SEC14L1: variants seen among roughly 807,000 people sequenced by gnomAD.
The protein encoded by SEC14L1 is SEC14-like protein 1.
A neutral mutation model predicts 85.3 loss-of-function variants in SEC14L1; 48 were observed. That is an observed-to-expected ratio of 0.56 (90% CI 0.45 to 0.72). The LOEUF is 0.72. Among genes scored for constraint, SEC14L1 ranks in the 30% least tolerant of loss-of-function variants. The probability of loss-of-function intolerance (pLI) is 0.00; values close to 1 mark genes in which losing one functional copy is unlikely to be tolerated. For missense variants in SEC14L1, 682 were observed against 921.4 expected (o/e 0.74, Z 3.36); for synonymous variants, 391 against 355.5 (o/e 1.10, Z -1.12).
intron 3 of SEC14L1, among the ~76,000 whole-genome samples, chr17:77,105,230 C>T (rs1479688977): frequency 6.6e-6 from 1 of 152,038 alleles, no homozygotes; most frequent in African/African-American, 2.4e-5. Flanking sequence ...AGATATTTTC[C>T]TTTCACGCCT....
chr17:77,089,163 A>G, exon 2 of SEC14L1: 2 of 346,018 alleles, frequency 5.8e-6, no homozygotes, highest in Non-Finnish European at 1.1e-5. Flanking sequence ...GTTTCAACAG[A>G]AAATGAGAAA....
chr17:77,186,729 T>C (rs17612441), intron 3 of SEC14L1, among the ~76,000 whole-genome samples: 10,223 of 152,250 alleles, frequency 0.067, 548 homozygotes, highest in Admixed American at 0.16. Flanking sequence ...GATGGCAGTA[T>C]TTGTGATCTG....
Position 77,191,757 on chromosome 17 carries a change from G to A in SEC14L1, c.345+445G>A, listed in dbSNP as rs546771455. On this transcript the variant is annotated intron_variant, in intron 5 of 16. Coordinates refer to ENST00000436233, the MANE Select transcript of SEC14L1 (RefSeq NM_001143998.2). ...GGGGTTTCACCGTGTTGGCCTGGCT[G>A]GTCTGGAACTCCTGACCTCACGTGA... 2.0e-5 allele frequency among the ~76,000 whole-genome samples: 3 copies of A among 151,410 alleles called. No homozygotes were observed. In the South Asian group the frequency reaches 6.3e-4, roughly 32 times the overall value.
Position 77,150,678 on chromosome 17 carries a change from T to A in SEC14L1, c.63+7019T>A, listed in dbSNP as rs190697622. ...GGGAGAACACTTTCTGACGGGCAGC[T>A]GTGCCCATGTTGGGCAGCTGTGCCC... is the stretch of plus-strand genomic sequence containing the variant. On this transcript the variant is annotated intron_variant, in intron 3 of 16. Coordinates refer to ENST00000436233, the MANE Select transcript of SEC14L1 (RefSeq NM_001143998.2). Among the ~76,000 whole-genome samples the A allele has an allele frequency of 1.6e-3, 245 of 152,316 alleles. 1 individual carries two copies. The highest frequency in any genetic ancestry group is 5.4e-3 in the African/African-American group (224 of 41,586).
intron 5 of SEC14L1, 103 bp from the exon 6 acceptor site, chr17:77,193,318 G>T: frequency 9.0e-7 from 1 of 1,111,952 alleles, no homozygotes; most frequent in Non-Finnish European, 1.3e-6. Flanking sequence ...AGCATTGTTA[G>T]TAACGTAAGT....
intron 3 of SEC14L1, among the ~76,000 whole-genome samples, chr17:77,102,888 A>G (rs919736478): frequency 2.0e-4 from 31 of 152,080 alleles, no homozygotes; most frequent in African/African-American, 6.3e-4. Context: ...TGTGACCTCG[A>G]ACTCCTGGGC....
At chr17:77,106,309 G>A (rs902614116) in intron 3 of SEC14L1, among the ~76,000 whole-genome samples, 4 of 152,106 alleles carry the variant, frequency 2.6e-5, no homozygotes, top group East Asian at 1.9e-4. Context: ...TAAGGTGGGC[G>A]GATCACAAGG....
chr17:77,092,874 G>C (rs145875070), intron 2 of SEC14L1, among the ~76,000 whole-genome samples: 3,187 of 151,910 alleles, frequency 0.021, 71 homozygotes, highest in Admixed American at 0.053. Context: ...CTTGAACCCG[G>C]GAGGCGGAGG....
chr17:77,140,454 T>C (rs1477867791), upstream of SEC14L1, among the ~76,000 whole-genome samples: 1 of 152,220 alleles, frequency 6.6e-6, no homozygotes, highest in Non-Finnish European at 1.5e-5. Flanking sequence ...AGCAGCCTGG[T>C]GCTCCTGAAC....
intron 11 of SEC14L1, among the ~76,000 whole-genome samples, chr17:77,205,704 T>C (rs1348583388): frequency 1.3e-5 from 2 of 152,204 alleles, no homozygotes; most frequent in Non-Finnish European, 2.9e-5. Flanking sequence ...GTTTAGTGAT[T>C]CAGAGGTTGA....
intron 3 of SEC14L1, among the ~76,000 whole-genome samples, chr17:77,135,469 T>C (rs1216544707): frequency 1.3e-5 from 2 of 152,202 alleles, no homozygotes; most frequent in Non-Finnish European, 2.9e-5. Context: ...TAGTTTATTC[T>C]GTAATTCTTT....
At chr17:77,149,623 C>T (rs992050802) in intron 3 of SEC14L1, among the ~76,000 whole-genome samples, 1 of 152,096 alleles carries the variant, frequency 6.6e-6, no homozygotes, top group African/African-American at 2.4e-5. Flanking sequence ...CCTTTGAGCC[C>T]AGGAGTTCAA....
At chr17:77,156,653 C>G (rs1265686634) in intron 3 of SEC14L1, among the ~76,000 whole-genome samples, 1 of 149,848 alleles carries the variant, frequency 6.7e-6, no homozygotes, top group Non-Finnish European at 1.5e-5. Context: ...CACTTCTTCT[C>G]TGTCAGTGAA....
intron 3 of SEC14L1, chr17:77,098,902 A>G (rs376859745): frequency 6.6e-5 from 10 of 152,310 alleles, no homozygotes; most frequent in South Asian, 2.1e-4. Context: ...CAGTATTTAA[A>G]TTGCTAGCAA....
intron 3 of SEC14L1, among the ~76,000 whole-genome samples, chr17:77,186,318 T>C (rs754997924): frequency 4.6e-5 from 7 of 152,180 alleles, no homozygotes; most frequent in Non-Finnish European, 1.0e-4. Flanking sequence ...GCAGTCGCAC[T>C]CCTGAGTTCT....
intron 7 of SEC14L1, among the ~76,000 whole-genome samples, chr17:77,195,419 A>G (rs1379397058): frequency 6.6e-6 from 1 of 152,104 alleles, no homozygotes; most frequent in Non-Finnish European, 1.5e-5. Flanking sequence ...CCCGGGTTCA[A>G]GTGATTTTCC....
intron 2 of SEC14L1, 109 bp from the exon 3 acceptor site, chr17:77,143,458 A>G (rs1973146658): frequency 4.8e-6 from 3 of 623,316 alleles, no homozygotes; most frequent in Admixed American, 6.1e-5. Flanking sequence ...ATTATGACCT[A>G]TTGTGGTCTC....
intron 3 of SEC14L1, among the ~76,000 whole-genome samples, chr17:77,159,756 A>C (rs1469792385): frequency 1.3e-5 from 2 of 152,226 alleles, no homozygotes; most frequent in Admixed American, 6.5e-5. Flanking sequence ...ATTTTATTCC[A>C]TCTGTTGAAA....
chr17:77,124,994 ATTATTT>A (rs370716848), intron 3 of SEC14L1, among the ~76,000 whole-genome samples: 40,403 of 98,830 alleles, frequency 0.41, 6,117 homozygotes, highest in Non-Finnish European at 0.46. Context: ...TATTATTATT[ATTATTT>A]TTATTATTAT....
Sources: gnomAD v4.1 joint callset for allele counts (sites outside exome capture counted in the v4.1 genomes callset) on GRCh38, gnomAD v4.1.1 for gene constraint, MANE v1.5 for transcripts, NCBI Gene and HGNC (gene_info 2026-07-23, HGNC 2026-07-21) for gene names.